Variants in TEAD1 observed in about 807,000 individuals in gnomAD.
TEAD1 encodes TEA domain transcription factor 1.
In TEAD1, 9 loss-of-function variants were observed where a neutral mutation model predicts 54.9. The ratio of observed to expected loss-of-function variants is 0.16; its 90% confidence interval spans 0.10 to 0.29. The LOEUF is 0.29. Among genes scored for constraint, TEAD1 ranks in the 10% least tolerant of loss-of-function variants. The pLI is 1.00. For missense variants in TEAD1, 387 were observed against 535.9 expected (o/e 0.72, Z 2.74); for synonymous variants, 200 against 187.8 (o/e 1.07, Z -0.53).
At chr11:12,733,838 T>C (rs928015432) in intron 2 of TEAD1, among the ~76,000 whole-genome samples, 3 of 152,250 alleles carry the variant, frequency 2.0e-5, no homozygotes, top group African/African-American at 4.8e-5. Flanking sequence ...TCCTATTGTC[T>C]AGTGACATCT....
At chr11:12,804,781 A>G (rs1250120110) in intron 3 of TEAD1, among the ~76,000 whole-genome samples, 1 of 152,212 alleles carries the variant, frequency 6.6e-6, no homozygotes, top group Non-Finnish European at 1.5e-5. Flanking sequence ...GTTGGGATGC[A>G]AAGGTGGACA....
At position 12,899,110 on chromosome 11, in the gene TEAD1, A is replaced by G. The variant is rs542191766; in HGVS notation, c.700-2830A>G. On this transcript the variant is annotated intron_variant, in intron 9 of 12. Coordinates refer to ENST00000527636, the MANE Select transcript of TEAD1 (RefSeq NM_021961.6). ...GAACAGCTAGGAGTGAGGAGCCTAAAGGGAGACTGGGATTCAGCTCAGTGA... is the reference window on the plus strand; with the variant it reads ...GAACAGCTAGGAGTGAGGAGCCTAAGGGGAGACTGGGATTCAGCTCAGTGA... 1.5e-3 allele frequency among the ~76,000 whole-genome samples: 232 copies of G among 152,204 alleles called. 1 individual carries two copies. Among genetic ancestry groups the G allele is most frequent in the Non-Finnish European group, 1.7e-3 (113 of 68,024 alleles).
At chr11:12,788,043 ACCTCCG>A (rs756320037) in intron 3 of TEAD1, among the ~76,000 whole-genome samples, 5 of 150,474 alleles carry the variant, frequency 3.3e-5, no homozygotes, top group African/African-American at 4.9e-5. Context: ...GCTCACTGCA[ACCTCCG>A]CCTCCAGAGT....
intron 10 of TEAD1, chr11:12,921,100 G>A (rs1948796837): frequency 6.6e-6 from 1 of 152,202 alleles, no homozygotes; most frequent in Non-Finnish European, 1.5e-5. Flanking sequence ...ATACCTAAGT[G>A]CTGAATATCT....
At chr11:12,856,130 C>CTTTT (rs60226571) in intron 3 of TEAD1, among the ~76,000 whole-genome samples, 4 of 140,880 alleles carry the variant, frequency 2.8e-5, no homozygotes, top group Admixed American at 7.1e-5. Flanking sequence ...TATCTTCTTC[C>CTTTT]TTTTTTTTTT....
At chr11:12,877,372 G>T (rs1947872167) in intron 5 of TEAD1, among the ~76,000 whole-genome samples, 1 of 152,190 alleles carries the variant, frequency 6.6e-6, no homozygotes, top group Admixed American at 6.5e-5. Flanking sequence ...AATTAATGTG[G>T]CTGGGCGTGG....
chr11:12,810,439 C>T (rs1191789655), intron 3 of TEAD1, among the ~76,000 whole-genome samples: 1 of 152,176 alleles, frequency 6.6e-6, no homozygotes, highest in Non-Finnish European at 1.5e-5. Context: ...GAGACATTCT[C>T]CCATTTTCTT....
chr11:12,682,388 T>G (rs1232484074), intron 2 of TEAD1, among the ~76,000 whole-genome samples: 1 of 152,090 alleles, frequency 6.6e-6, no homozygotes, highest in Non-Finnish European at 1.5e-5. Flanking sequence ...TTTCCAGATG[T>G]GATTGTAGAG....
chr11:12,791,534 A>G (rs992151518), intron 3 of TEAD1, among the ~76,000 whole-genome samples: 6 of 152,152 alleles, frequency 3.9e-5, no homozygotes, highest in African/African-American at 1.4e-4. Flanking sequence ...TTTGTGACTA[A>G]GATACCTGAT....
At chr11:12,781,548 A>G (rs1260968354) in intron 3 of TEAD1, among the ~76,000 whole-genome samples, 1 of 152,128 alleles carries the variant, frequency 6.6e-6, no homozygotes, top group African/African-American at 2.4e-5. Flanking sequence ...ATACGTTGAA[A>G]AACACACCAA....
rs190532399 is a variant in TEAD1, at chr11:12,792,473, A to G, written c.202+28039A>G. Among the ~76,000 whole-genome samples the G allele has an allele frequency of 4.7e-4, 71 of 152,062 alleles. 2 individuals carry two copies. The South Asian group carries it at 0.014, about 30-fold the overall frequency. On this transcript the variant is annotated intron_variant, in intron 3 of 12. Transcript: ENST00000527636. ...TTCTCTTTAGTTTGCCTTCGTTGAT[A>G]TAAGTCTGTTTATTCATGTCTGTAT...
intron 2 of TEAD1, among the ~76,000 whole-genome samples, chr11:12,734,935 G>GC (rs1564922326): frequency 6.6e-6 from 1 of 152,060 alleles, no homozygotes; most frequent in Non-Finnish European, 1.5e-5. Flanking sequence ...CAAACACACC[G>GC]CCATATATAT....
chr11:12,848,483 A>AT (rs1287467432), intron 3 of TEAD1, among the ~76,000 whole-genome samples: 2 of 152,212 alleles, frequency 1.3e-5, no homozygotes, highest in Non-Finnish European at 2.9e-5. Context: ...AATGTTAAGG[A>AT]TTAAGGAACT....
chr11:12,698,732 C>T (rs1228627230), intron 2 of TEAD1, among the ~76,000 whole-genome samples: 1 of 152,024 alleles, frequency 6.6e-6, no homozygotes, highest in African/African-American at 2.4e-5. Context: ...AATATGAGAT[C>T]CCATCCCAGA....
chr11:12,929,287 T>A (rs1310037505), intron 11 of TEAD1, among the ~76,000 whole-genome samples: 2 of 152,040 alleles, frequency 1.3e-5, no homozygotes, highest in African/African-American at 4.8e-5. Flanking sequence ...TTTTTTCTCC[T>A]TTTTACTTGT....
Position 12,836,173 on chromosome 11 carries a change from C to T in TEAD1, c.203-26077C>T, listed in dbSNP as rs145990701. On this transcript the variant is annotated intron_variant, in intron 3 of 12. Transcript: ENST00000527636. ...TGGTGGCTCACGCCTGTAATCCCAG[C>T]GCTTCAGGAGGCCGAGGTGGGTGGA... is the stretch of plus-strand genomic sequence containing the variant. Among the ~76,000 whole-genome samples the T allele has an allele frequency of 3.4e-4, 52 of 152,244 alleles. 2 individuals are homozygous for T. In the East Asian group the frequency reaches 8.9e-3, roughly 26 times the overall value.
chr11:12,897,233 A>G (rs1948330743), intron 9 of TEAD1, among the ~76,000 whole-genome samples: 2 of 152,148 alleles, frequency 1.3e-5, no homozygotes, highest in Non-Finnish European at 2.9e-5. Flanking sequence ...TGGGGAAACT[A>G]CCACTGCTGG....
At chr11:12,704,125 C>G (rs1943763797) in intron 2 of TEAD1, among the ~76,000 whole-genome samples, 1 of 152,068 alleles carries the variant, frequency 6.6e-6, no homozygotes, top group African/African-American at 2.4e-5. Context: ...GCTGAGTTGG[C>G]GTTGTGTTTG....
intron 2 of TEAD1, among the ~76,000 whole-genome samples, chr11:12,710,897 A>G (rs1037505198): frequency 2.0e-5 from 3 of 152,050 alleles, no homozygotes; most frequent in East Asian, 1.9e-4. Flanking sequence ...CTGGAAGGGG[A>G]TGGAAGAGAT....
Sources: gnomAD v4.1 joint callset for allele counts (sites outside exome capture counted in the v4.1 genomes callset) on GRCh38, gnomAD v4.1.1 for gene constraint, MANE v1.5 for transcripts, NCBI Gene and HGNC (gene_info 2026-07-23, HGNC 2026-07-21) for gene names.